The following FAM20A variants were observed in gnomAD, a reference collection of about 807,000 sequenced individuals.
FAM20A encodes the protein FAM20A golgi associated secretory pathway pseudokinase, also known as pseudokinase FAM20A.
In FAM20A, 42 loss-of-function variants were observed where a neutral mutation model predicts 52.0. The ratio of observed to expected loss-of-function variants is 0.81; its 90% CI spans 0.63 to 1.04. The LOEUF is 1.04. Ranked by LOEUF, FAM20A falls within the 50% of genes least tolerant of loss-of-function variation. The pLI, the probability that FAM20A is intolerant of heterozygous loss-of-function variation, is 0.00. For missense variants in FAM20A, 742 were observed against 712.7 expected, an observed-to-expected ratio of 1.04 and a Z score of -0.47; for synonymous variants, 304 against 298.9, an observed-to-expected ratio of 1.02 and a Z score of -0.18.
chr17:68,588,845 GT>G (rs770639226), intron 1 of FAM20A, among the ~76,000 whole-genome samples: 3 of 152,212 alleles, frequency 2.0e-5, no homozygotes, highest in Non-Finnish European at 4.4e-5. Flanking sequence ...GCCTCATTAG[GT>G]TTTTGAAGGG....
intron 1 of FAM20A, among the ~76,000 whole-genome samples, chr17:68,568,804 C>T (rs2087455926): frequency 6.6e-6 from 1 of 151,586 alleles, no homozygotes; most frequent in Non-Finnish European, 1.5e-5. Flanking sequence ...TTTATCTCTT[C>T]ATCTCAAGAT....
rs57480421 is a variant in FAM20A at position 68,595,846 on chromosome 17, T to C, written c.404+4417A>G. The stretch of plus-strand genomic sequence containing the variant: ...AGAGATAAAAAGATGGGAGTGAGAA[T>C]GGAGAGATTGTATTTTTCCTTCCAC... On this transcript the variant is annotated intron_variant, in intron 1 of 10. Transcript: ENST00000592554. Among the ~76,000 whole-genome samples the C allele has an allele frequency of 9.2e-5, 14 of 152,254 alleles. No homozygotes were observed. The East Asian group carries it at 2.7e-3, about 29-fold the overall frequency.
chr17:68,541,140 T>A, intron 7 of FAM20A, 182 bp from the exon 8 acceptor site: 1 of 806,766 alleles, frequency 1.2e-6, no homozygotes, highest in Non-Finnish European at 1.9e-6. Flanking sequence ...TTCCGTGTGG[T>A]GAGAAGGTCC....
At chr17:68,550,970 G>C in intron 4 of FAM20A, 1 of 949,000 alleles carries the variant, frequency 1.1e-6, no homozygotes, top group Non-Finnish European at 1.4e-6. Context: ...CCCTTGAATG[G>C]CTGAAGGTTT....
chr17:68,554,753 T>TGGGGGGGGGGGGG, intron 3 of FAM20A, 24 bp downstream of exon 3: 1 of 1,185,624 alleles, frequency 8.4e-7, no homozygotes, highest in Non-Finnish European at 1.1e-6. Context: ...AGAGGCTGGG[T>TGGGGGGGGGGGGG]GGGGGTGGGG....
chr17:68,569,242 A>G (rs1011029619), intron 1 of FAM20A, among the ~76,000 whole-genome samples: 1 of 151,970 alleles, frequency 6.6e-6, no homozygotes, highest in Non-Finnish European at 1.5e-5. Flanking sequence ...CCCTTCCCAA[A>G]ATGTCCCCTG....
intron 4 of FAM20A, among the ~76,000 whole-genome samples, chr17:68,544,528 A>C (rs1205470718): frequency 6.6e-6 from 1 of 152,174 alleles, no homozygotes; most frequent in African/African-American, 2.4e-5. Flanking sequence ...GGGACTGTTG[A>C]AACGACTGCA....
In FAM20A at chr17:68,535,951, T is replaced by G. The variant is rs1162497629; in HGVS notation, c.*1526A>C. The G allele has an allele frequency of 2.2e-6, 1 of 454,158 alleles. No individual in the cohort carries two copies. Among genetic ancestry groups the G allele is most frequent in the South Asian group, 1.6e-5 (1 of 64,478 alleles). The allele number at this position is 454,158 out of a possible 1,614,324, so 28.1% of individuals were successfully genotyped here. ...GCTTACTCTCTCTGAGATTTAAAGT[T>G]CTTCCATGCACATTGGAGGATGGGG... On this transcript the variant is annotated 3_prime_UTR_variant, in exon 11 of 11. Transcript: ENST00000592554.
At chr17:68,554,962 G>T in intron 2 of FAM20A, 135 bp from the exon 3 acceptor site, 2 of 861,896 alleles carry the variant, frequency 2.3e-6, no homozygotes, top group Non-Finnish European at 3.8e-6. Flanking sequence ...TGACCACTCC[G>T]TGGGAGGTCT....
At position 68,540,779 on chromosome 17, in the gene FAM20A, C is replaced by T. The variant is rs150919007; in HGVS notation, c.1219+70G>A. ...ATGAACCAGGTTGTAAGTTTGTGCTCAAGGTCACGGGGAACCCTAGCCACA... is the reference window on the plus strand; with the variant it reads ...ATGAACCAGGTTGTAAGTTTGTGCTTAAGGTCACGGGGAACCCTAGCCACA... On this transcript the variant is annotated intron_variant, in intron 8 of 10. Coordinates refer to ENST00000592554, the MANE Select transcript of FAM20A (RefSeq NM_017565.4). The T allele has an allele frequency of 4.6e-3, 7,055 of 1,543,310 alleles. 24 individuals are homozygous for T. The highest frequency in any genetic ancestry group is 6.6e-3 in the Admixed American group (337 of 51,102).
chr17:68,591,131 G>A lies in FAM20A; in HGVS notation c.404+9132C>T, dbSNP rs151201207. 6.9e-3 allele frequency among the ~76,000 whole-genome samples: 939 copies of A among 135,300 alleles called. 2 individuals carry two copies. Among genetic ancestry groups the A allele is most frequent in the Middle Eastern group, 0.015 (4 of 272 alleles). The allele number at this position is 135,300 out of a possible 152,430, so 88.8% of individuals were successfully genotyped here. A position where few individuals can be genotyped will look rare whatever the true frequency, so the allele number is the denominator to read the frequency against. On this transcript the variant is annotated intron_variant, in intron 1 of 10. Transcript: ENST00000592554. ...TTTTGTTTTGTTTTGTTTTGAGAGG[G>A]AGTCTCACTCTGTGGCCCAGGCTGG...
At chr17:68,582,458 A>C (rs886917997) in intron 1 of FAM20A, 1 of 152,296 alleles carries the variant, frequency 6.6e-6, no homozygotes, top group South Asian at 2.1e-4. Context: ...CCCTGACAAC[A>C]GGAGGCCACA....
chr17:68,546,847 AAAG>A (rs1425024994), intron 4 of FAM20A, among the ~76,000 whole-genome samples: 2 of 151,758 alleles, frequency 1.3e-5, no homozygotes, highest in African/African-American at 2.4e-5. Flanking sequence ...AAAAAAAAAA[AAAG>A]GTAAGACTTG....
chr17:68,581,500 CTTCTTTCTCTTTCTCTCCT>C (rs2087997152), intron 1 of FAM20A, among the ~76,000 whole-genome samples: 2 of 100,036 alleles, frequency 2.0e-5, no homozygotes, highest in African/African-American at 8.3e-5. Context: ...TTCTTTCTTT[CTTCTTTCTCTTTCTCTCCT>C]TTCTTTCTCT....
rs2088588651 is a variant in FAM20A at position 68,600,458 on chromosome 17, T to C, written c.209A>G (p.Asn70Ser). 3 of 1,609,958 alleles carry C rather than the reference T, an allele frequency of 1.9e-6. No homozygotes were observed. The highest frequency in any genetic ancestry group is 1.7e-6 in the Non-Finnish European group (2 of 1,178,482). ...AGTCCGGGGCTCGGTTCGGGAAAAG[T>C]TGTGCACGATCGTGCCGGGGTCCGA... ...AASDPGTIVH[N>S]FSRTEPRTEP... The change falls in exon 1 of 11, where the codon AAC (asparagine) becomes AGC (serine). Residue 70 changes from asparagine to serine, a missense_variant. Physicochemically the swap from Asn to Ser is conservative, Grantham distance 46. Coordinates refer to ENST00000592554, the MANE Select transcript of FAM20A (RefSeq NM_017565.4). This position sits in a 1 kb window ranked among gnomAD's most constrained non-coding sequence, Gnocchi z 6.2.
At chr17:68,587,950 A>C (rs987775835) in intron 1 of FAM20A, among the ~76,000 whole-genome samples, 1 of 152,230 alleles carries the variant, frequency 6.6e-6, no homozygotes, top group Non-Finnish European at 1.5e-5. Flanking sequence ...TCTACGTATT[A>C]TGTTGGTTAA....
intron 1 of FAM20A, among the ~76,000 whole-genome samples, chr17:68,556,916 T>C (rs2087068572): frequency 6.6e-6 from 1 of 152,140 alleles, no homozygotes; most frequent in Non-Finnish European, 1.5e-5. Flanking sequence ...GATTTGGGCG[T>C]GTCCAATTTT....
rs777570278 is a variant in FAM20A, at chr17:68,600,484, G to C, written c.183C>G (p.Ala61=). The part of the protein sequence containing the change: ...SSLARDSAAA[A]SDPGTIVHNF... ...TGTGCACGATCGTGCCGGGGTCCGA[G>C]GCAGCTGCGGCCGAGTCCCGCGCCA... Residue 61 remains alanine (A), a synonymous_variant, in exon 1 of 11, where the codon GCC becomes GCG. Transcript: ENST00000592554. The surrounding 1 kb of genome is among the most constrained non-coding windows in gnomAD (Gnocchi z 6.2). The C allele has an allele frequency of 1.2e-6, 2 of 1,600,806 alleles. No individual in the cohort carries two copies. Among genetic ancestry groups the C allele is most frequent in the East Asian group, 4.5e-5 (2 of 44,138 alleles).
At chr17:68,588,705 C>A (rs893116123) in intron 1 of FAM20A, among the ~76,000 whole-genome samples, 1 of 152,122 alleles carries the variant, frequency 6.6e-6, no homozygotes, top group African/African-American at 2.4e-5. Context: ...CAAGACCTAC[C>A]CACAGGACCT....
Sources: allele counts gnomAD v4.1 joint callset (sites outside exome capture counted in the v4.1 genomes callset), GRCh38; gene constraint gnomAD v4.1.1; non-coding constraint Gnocchi (gnomAD v3.1); transcripts MANE v1.5; gene names NCBI Gene and HGNC (gene_info 2026-07-23, HGNC 2026-07-21).